The following FOXP2 variants were observed in gnomAD, a reference collection of about 807,000 sequenced individuals.
FOXP2 encodes the protein forkhead box P2, also known as forkhead box protein P2.
Under a neutral mutation model 115.8 loss-of-function variants are expected in FOXP2, and 12 were observed. That is an observed-to-expected ratio of 0.10 (90% confidence interval 0.07 to 0.17). FOXP2 has a LOEUF of 0.17. Ranked by LOEUF, FOXP2 falls within the 10% of genes least tolerant of loss-of-function variation. The pLI is 1.00. For synonymous variants in FOXP2, 328 were observed against 297.7 expected (o/e 1.10, Z -1.05); for missense variants, 629 against 843.5 (o/e 0.75, Z 3.15).
intron 1 of FOXP2, among the ~76,000 whole-genome samples, chr7:114,216,975 A>G (rs1046128059): frequency 1.3e-5 from 2 of 152,198 alleles, no homozygotes; most frequent in African/African-American, 4.8e-5. Context: ...CCTTATTGAC[A>G]TTAAAGTCCT....
chr7:114,318,778 A>G (rs1415174674), intron 2 of FOXP2, among the ~76,000 whole-genome samples: 1 of 151,994 alleles, frequency 6.6e-6, no homozygotes, highest in Non-Finnish European at 1.5e-5. Flanking sequence ...CTGGCAGATC[A>G]GAGCTACTCA....
intron 1 of FOXP2, among the ~76,000 whole-genome samples, chr7:114,221,913 C>A (rs1196929416): frequency 6.6e-6 from 1 of 152,116 alleles, no homozygotes; most frequent in East Asian, 1.9e-4. Context: ...TAAGCCCTCC[C>A]CCAATTCTAT....
At chr7:114,481,962 A>G (rs1796567144) in intron 2 of FOXP2, among the ~76,000 whole-genome samples, 1 of 151,210 alleles carries the variant, frequency 6.6e-6, no homozygotes, top group Admixed American at 6.6e-5. Flanking sequence ...CTTTAAAAAG[A>G]GGGGGGCACT....
At chr7:114,687,434 A>G (rs1046204345) in intron 16 of FOXP2, among the ~76,000 whole-genome samples, 3 of 152,218 alleles carry the variant, frequency 2.0e-5, no homozygotes, top group South Asian at 2.1e-4. Context: ...TTCTGACTTC[A>G]TAATGCTTGC....
chr7:114,444,277 G>A (rs1358246257), intron 2 of FOXP2, among the ~76,000 whole-genome samples: 1 of 151,992 alleles, frequency 6.6e-6, no homozygotes, highest in Non-Finnish European at 1.5e-5. Context: ...ATCTCACCAA[G>A]ACACAGACAA....
intron 3 of FOXP2, among the ~76,000 whole-genome samples, chr7:114,588,534 A>G (rs944933212): frequency 8.5e-5 from 13 of 152,114 alleles, no homozygotes; most frequent in Admixed American, 5.2e-4. Context: ...GACAATACAT[A>G]TCTTCTTTAT....
At chr7:114,207,463 A>G (rs999318398) in intron 1 of FOXP2, among the ~76,000 whole-genome samples, 6 of 152,170 alleles carry the variant, frequency 3.9e-5, no homozygotes, top group Admixed American at 2.0e-4. Flanking sequence ...TATGCTTTTT[A>G]TTTTCATTTC....
intron 1 of FOXP2, among the ~76,000 whole-genome samples, chr7:114,141,341 A>G (rs1792202371): frequency 6.6e-6 from 1 of 152,254 alleles, no homozygotes; most frequent in South Asian, 2.1e-4. Flanking sequence ...AATGCTTTAT[A>G]TAACAACAGA....
At chr7:114,370,735 A>G (rs1791984236) in intron 2 of FOXP2, among the ~76,000 whole-genome samples, 2 of 152,222 alleles carry the variant, frequency 1.3e-5, no homozygotes, top group Admixed American at 1.3e-4. Context: ...ATCTTTGTCA[A>G]TAACAATGCT....
chr7:114,622,241 G>A (rs1052764671), intron 3 of FOXP2, among the ~76,000 whole-genome samples: 3 of 151,636 alleles, frequency 2.0e-5, no homozygotes, highest in African/African-American at 2.4e-5. Flanking sequence ...GTAATTTTCA[G>A]GAGAAAAAAA....
chr7:114,609,670 C>A (rs755013537), intron 3 of FOXP2, among the ~76,000 whole-genome samples: 3 of 152,082 alleles, frequency 2.0e-5, no homozygotes, highest in Non-Finnish European at 2.9e-5. Flanking sequence ...CTGAAAATTT[C>A]TTTAATGTGA....
At chr7:114,595,704 A>G (rs1363573170) in intron 3 of FOXP2, among the ~76,000 whole-genome samples, 1 of 152,014 alleles carries the variant, frequency 6.6e-6, no homozygotes, top group African/African-American at 2.4e-5. Context: ...CTAATTCCCC[A>G]GAGATTACAA....
chr7:114,674,738 T>C (rs531434459), intron 16 of FOXP2, among the ~76,000 whole-genome samples: 309 of 152,208 alleles, frequency 2.0e-3, no homozygotes, highest in Admixed American at 4.6e-3. Context: ...GTCCTATAAA[T>C]AAGAGAGCTA....
rs532416486 is a variant in FOXP2, at chr7:114,591,213, A to G, written c.259-37327A>G. Among the ~76,000 whole-genome samples, 18 of 152,280 alleles carry G rather than the reference A, an allele frequency of 1.2e-4. No individual in the cohort carries two copies. The East Asian group carries it at 2.7e-3, about 23-fold the overall frequency. ...GGACACCGATTACCTTGACCATTGT[A>G]ACACATGCACCCAAATTATCTAACT... On this transcript the variant is annotated intron_variant, in intron 3 of 16. Transcript: ENST00000350908.
At chr7:114,581,075 G>GCGCACA (rs150167103) in intron 3 of FOXP2, among the ~76,000 whole-genome samples, 1 of 144,766 alleles carries the variant, frequency 6.9e-6, no homozygotes, top group African/African-American at 2.6e-5. Flanking sequence ...ATAAACACAT[G>GCGCACA]CACACACACA....
chr7:114,312,087 C>T (rs1365316309), intron 2 of FOXP2, among the ~76,000 whole-genome samples: 1 of 152,078 alleles, frequency 6.6e-6, no homozygotes, highest in Non-Finnish European at 1.5e-5. Context: ...TTTGAGTGGC[C>T]ACCTGCTGGG....
intron 10 of FOXP2, among the ~76,000 whole-genome samples, chr7:114,654,294 A>C (rs935974641): frequency 1.3e-5 from 2 of 152,172 alleles, no homozygotes; most frequent in Admixed American, 6.6e-5. Context: ...TCTTTCTGTG[A>C]TAGGTTTACA....
At position 114,661,855 on chromosome 7, in the gene FOXP2, T is replaced by G. The variant is rs140030734; in HGVS notation, c.1648-210T>G. ...TGACACAGCTATTATTAAAATAGCT[T>G]GGAAGGTTCTCTTATCACAAAGTTC... is the stretch of plus-strand genomic sequence containing the variant. On this transcript the variant is annotated intron_variant, in intron 13 of 16. Coordinates refer to ENST00000350908, the MANE Select transcript of FOXP2 (RefSeq NM_014491.4). 143 of 544,310 alleles carry G rather than the reference T, an allele frequency of 2.6e-4. 3 individuals are homozygous for G. In the East Asian group the frequency reaches 4.8e-3, roughly 18 times the overall value. 33.7% of individuals were successfully genotyped at this position (544,310 alleles called of 1,614,324 possible).
At chr7:114,404,663 A>G (rs1792990288) in intron 2 of FOXP2, among the ~76,000 whole-genome samples, 1 of 152,076 alleles carries the variant, frequency 6.6e-6, no homozygotes, top group Non-Finnish European at 1.5e-5. Flanking sequence ...TGTGAAGTGT[A>G]GTTGCCTGTT....
Sources: gnomAD v4.1 joint callset for allele counts (sites outside exome capture counted in the v4.1 genomes callset) on GRCh38, gnomAD v4.1.1 for gene constraint, MANE v1.5 for transcripts, NCBI Gene and HGNC (gene_info 2026-07-23, HGNC 2026-07-21) for gene names.